Variants in FAM107B observed in about 807,000 individuals in gnomAD.
FAM107B encodes protein FAM107B.
FAM107B carries 21 observed loss-of-function variants against 31.5 expected under a neutral mutation model. The observed-to-expected ratio is 0.67, with a 90% confidence interval of 0.47 to 0.96. The LOEUF is 0.96. Ranked by LOEUF, FAM107B falls within the 40% of genes least tolerant of loss-of-function variation. The pLI, the probability that FAM107B is intolerant of heterozygous loss-of-function variation, is 0.00. For missense variants in FAM107B, 452 were observed against 377.1 expected (o/e 1.20, Z -1.64); for synonymous variants, 157 against 141.5 (o/e 1.11, Z -0.78).
At chr10:14,587,125 A>G (rs1851870293) in intron 2 of FAM107B, among the ~76,000 whole-genome samples, 1 of 152,128 alleles carries the variant, frequency 6.6e-6, no homozygotes, top group African/African-American at 2.4e-5. Flanking sequence ...CTGCCTGATA[A>G]TAGTCACACT....
chr10:14,607,602 C>T (rs1397349230), intron 2 of FAM107B, among the ~76,000 whole-genome samples: 1 of 152,246 alleles, frequency 6.6e-6, no homozygotes, highest in Non-Finnish European at 1.5e-5. Context: ...ACCCTCAGCC[C>T]GAGTCTGATA....
Position 14,559,114 on chromosome 10 carries a change from A to AC in FAM107B, c.470-28600_470-28599insG, listed in dbSNP as rs1475928596. ...TGTGGAACTTCAAAAAAAAAAAAAA[A>AC]AAACAAAAAAAAAACACCTGGTGTC... On this transcript the variant is annotated intron_variant, in intron 2 of 4. Transcript: ENST00000181796. 4.2e-3 allele frequency among the ~76,000 whole-genome samples: 293 copies of AC among 69,014 alleles called. 2 individuals carry two copies. Among genetic ancestry groups the AC allele is most frequent in the African/African-American group, 0.012 (280 of 23,866 alleles). 45.3% of individuals were successfully genotyped at this position (69,014 alleles called of 152,430 possible).
chr10:14,772,885 C>A (rs117261532), intron 1 of FAM107B, among the ~76,000 whole-genome samples: 3 of 152,268 alleles, frequency 2.0e-5, no homozygotes, highest in Non-Finnish European at 4.4e-5. Flanking sequence ...TTTGTTCTTG[C>A]GGCTGTCTTC....
Position 14,665,434 on chromosome 10 carries a change from A to G in FAM107B, c.469+2200T>C, listed in dbSNP as rs117945179. Among the ~76,000 whole-genome samples, 481 of 152,340 alleles carry G rather than the reference A, an allele frequency of 3.2e-3. 8 individuals are homozygous for G. In the East Asian group the frequency reaches 0.052, roughly 16 times the overall value. On this transcript the variant is annotated intron_variant, in intron 2 of 4. Transcript: ENST00000181796. The stretch of plus-strand genomic sequence containing the variant: ...TTTCTTAGCAAGTCTTTAGTGAGTA[A>G]TGATGTCCTCCCAACGTGTGTGAAC...
At chr10:14,770,713 C>T (rs974035749) in intron 1 of FAM107B, among the ~76,000 whole-genome samples, 1 of 152,058 alleles carries the variant, frequency 6.6e-6, no homozygotes, top group Non-Finnish European at 1.5e-5. Context: ...GGTTTCAGGT[C>T]TGGAACAGAA....
At chr10:14,600,115 CTCTTA>C (rs968370742) in intron 2 of FAM107B, among the ~76,000 whole-genome samples, 4 of 152,184 alleles carry the variant, frequency 2.6e-5, no homozygotes, top group Admixed American at 6.5e-5. Flanking sequence ...CCACAAATTC[CTCTTA>C]TCTTTTCATT....
chr10:14,655,562 G>A (rs1054335268), intron 2 of FAM107B, among the ~76,000 whole-genome samples: 4 of 152,192 alleles, frequency 2.6e-5, no homozygotes, highest in South Asian at 2.1e-4. Context: ...TGGCACAAAC[G>A]TTTTAAAATA....
chr10:14,555,221 C>T (rs2131110745), intron 2 of FAM107B, among the ~76,000 whole-genome samples: 1 of 152,196 alleles, frequency 6.6e-6, no homozygotes, highest in East Asian at 1.9e-4. Context: ...GCCTAAATGA[C>T]ATAAATTGAA....
intron 1 of FAM107B, among the ~76,000 whole-genome samples, chr10:14,697,062 G>C (rs1160699581): frequency 6.6e-6 from 1 of 152,176 alleles, no homozygotes; most frequent in African/African-American, 2.4e-5. Flanking sequence ...AAAATGGGGA[G>C]GCACAGGGAG....
At chr10:14,711,398 A>T (rs562408048) in intron 1 of FAM107B, among the ~76,000 whole-genome samples, 1 of 152,138 alleles carries the variant, frequency 6.6e-6, no homozygotes, top group Admixed American at 6.5e-5. Context: ...TTTTTATTTC[A>T]TACTGTATTT....
chr10:14,713,977 C>T (rs1360911530), intron 1 of FAM107B, among the ~76,000 whole-genome samples: 1 of 152,058 alleles, frequency 6.6e-6, no homozygotes, highest in African/African-American at 2.4e-5. Context: ...GAGCTAAACA[C>T]TGAGTACATA....
At chr10:14,710,431 TACACACACACACAC>T (rs57418409) in intron 1 of FAM107B, among the ~76,000 whole-genome samples, 3,339 of 146,304 alleles carry the variant, frequency 0.023, 46 homozygotes, top group African/African-American at 0.037. Context: ...TCTCTAAAAA[TACACACACACACAC>T]ACACACACAC....
chr10:14,768,631 G>C (rs564814566), intron 1 of FAM107B, among the ~76,000 whole-genome samples: 1 of 152,298 alleles, frequency 6.6e-6, no homozygotes, highest in Non-Finnish European at 1.5e-5. Flanking sequence ...TATGCCTAAT[G>C]ACACAGAATT....
At chr10:14,603,344 T>G (rs1394229967) in intron 2 of FAM107B, among the ~76,000 whole-genome samples, 2 of 152,194 alleles carry the variant, frequency 1.3e-5, no homozygotes, top group African/African-American at 4.8e-5. Flanking sequence ...TTTAAGAATG[T>G]GAAGTCCAAC....
At chr10:14,714,286 G>A (rs947582142) in intron 1 of FAM107B, among the ~76,000 whole-genome samples, 9 of 152,214 alleles carry the variant, frequency 5.9e-5, no homozygotes, top group African/African-American at 1.9e-4. Context: ...GCTGGGTGGA[G>A]GCCCCCAAGG....
chr10:14,770,992 A>G (rs1833289364), intron 1 of FAM107B, among the ~76,000 whole-genome samples: 2 of 150,784 alleles, frequency 1.3e-5, no homozygotes, highest in South Asian at 4.2e-4. Flanking sequence ...AAAAAAAAAA[A>G]AAAAAAAAAA....
intron 4 of FAM107B, among the ~76,000 whole-genome samples, chr10:14,521,611 A>T (rs1467239747): frequency 6.6e-6 from 1 of 152,166 alleles, no homozygotes; most frequent in Non-Finnish European, 1.5e-5. Context: ...ATTTCATTAA[A>T]TTACTCCAGC....
chr10:14,651,408 C>A (rs1402901186), intron 2 of FAM107B, among the ~76,000 whole-genome samples: 1 of 152,138 alleles, frequency 6.6e-6, no homozygotes, highest in Non-Finnish European at 1.5e-5. Context: ...GAGTTCGAGG[C>A]CAGCCTGACC....
chr10:14,767,020 GTATGTATATATATA>G (rs376041163), intron 1 of FAM107B, among the ~76,000 whole-genome samples: 7 of 30,408 alleles, frequency 2.3e-4, no homozygotes, highest in South Asian at 2.4e-3. Context: ...TCCCTGATGT[GTATGTATATATATA>G]TATATATATA....
Sources: allele counts gnomAD v4.1 joint callset (sites outside exome capture counted in the v4.1 genomes callset), GRCh38; gene constraint gnomAD v4.1.1; transcripts MANE v1.5; gene names NCBI Gene and HGNC (gene_info 2026-07-23, HGNC 2026-07-21).